The following REEP1 variants were observed in gnomAD, a reference collection of about 807,000 sequenced individuals.
REEP1 encodes receptor accessory protein 1.
In REEP1, 22 loss-of-function variants were observed where a neutral mutation model predicts 40.3. The ratio of observed to expected loss-of-function variants is 0.55; its 90% confidence interval spans 0.39 to 0.78. REEP1 has a LOEUF of 0.78. Ranked by LOEUF, REEP1 falls within the 30% of genes least tolerant of loss-of-function variation. REEP1 has a pLI of 0.00. For missense variants in REEP1, 280 were observed against 361.1 expected (o/e 0.78, Z 1.82); for synonymous variants, 116 against 139.2 (o/e 0.83, Z 1.17).
chr2:86,321,454 C>A (rs1266126453), intron 1 of REEP1, among the ~76,000 whole-genome samples: 3 of 152,006 alleles, frequency 2.0e-5, no homozygotes, highest in Non-Finnish European at 2.9e-5. Flanking sequence ...GATGAGACAC[C>A]CCCAGCTTAG....
intron 2 of REEP1, among the ~76,000 whole-genome samples, chr2:86,272,311 C>T (rs183947510): frequency 4.6e-5 from 7 of 152,232 alleles, no homozygotes; most frequent in Admixed American, 4.6e-4. Flanking sequence ...GATCTACTTT[C>T]TCATTCCTCA....
intron 5 of REEP1, 57 bp from the exon 6 acceptor site, chr2:86,232,859 G>A (rs914508817): frequency 9.7e-6 from 15 of 1,540,196 alleles, no homozygotes; most frequent in Non-Finnish European, 1.3e-5. Flanking sequence ...GGTCACACTC[G>A]ACAAAGGCCA....
chr2:86,267,066 T>TGAGA (rs57005944), intron 2 of REEP1, among the ~76,000 whole-genome samples: 10,135 of 151,524 alleles, frequency 0.067, 516 homozygotes, highest in African/African-American at 0.13. Context: ...GAGGCCAAGA[T>TGAGA]GAGAGAATTG....
chr2:86,271,118 G>A (rs1677423134), intron 2 of REEP1, among the ~76,000 whole-genome samples: 1 of 152,022 alleles, frequency 6.6e-6, no homozygotes, highest in Non-Finnish European at 1.5e-5. Context: ...CTTGAACCCG[G>A]GAGGCAAAGG....
intron 3 of REEP1, among the ~76,000 whole-genome samples, chr2:86,256,315 T>C (rs1397922478): frequency 2.1e-5 from 3 of 144,858 alleles, no homozygotes; most frequent in East Asian, 2.0e-4. Flanking sequence ...GCCACTGCAC[T>C]CTAGCCTGGG....
chr2:86,225,987 TCA>T (rs1674660035), intron 7 of REEP1, among the ~76,000 whole-genome samples: 1 of 151,942 alleles, frequency 6.6e-6, no homozygotes, highest in South Asian at 2.1e-4. Flanking sequence ...AAGCCATCAC[TCA>T]CACGCTGGGA....
intron 8 of REEP1, among the ~76,000 whole-genome samples, chr2:86,219,549 G>A (rs1267866145): frequency 1.3e-5 from 2 of 150,934 alleles, no homozygotes; most frequent in African/African-American, 4.9e-5. Flanking sequence ...GGGTTCAAGC[G>A]AGTCTCCTGC....
intron 7 of REEP1, among the ~76,000 whole-genome samples, chr2:86,226,290 C>A (rs1007926413): frequency 2.0e-5 from 3 of 152,044 alleles, no homozygotes; most frequent in Non-Finnish European, 2.9e-5. Flanking sequence ...AGGTGATTCA[C>A]GCAAAGTTGC....
chr2:86,214,486 T>C lies in REEP1; in HGVS notation c.*2553A>G, dbSNP rs900198505. Reference sequence around the variant, plus strand: ...TGGCAATTAACTAAAAGTTATGACATGAACATTACAGACTTTCCAGCTAGC... The same window carrying C: ...TGGCAATTAACTAAAAGTTATGACACGAACATTACAGACTTTCCAGCTAGC... On this transcript the variant is annotated 3_prime_UTR_variant, in exon 9 of 9. Transcript: ENST00000538924. The C allele has an allele frequency of 6.5e-6, 1 of 152,688 alleles. No individual in the cohort carries two copies. The highest frequency in any genetic ancestry group is 1.5e-5 in the Non-Finnish European group (1 of 68,058). 9.5% of individuals were successfully genotyped at this position (152,688 alleles called of 1,614,324 possible).
At chr2:86,277,543 G>C (rs975878164) in intron 2 of REEP1, among the ~76,000 whole-genome samples, 4 of 145,658 alleles carry the variant, frequency 2.7e-5, no homozygotes, top group African/African-American at 1.0e-4. Context: ...GTGATAGAGC[G>C]AGACTCTGTA....
intron 8 of REEP1, among the ~76,000 whole-genome samples, chr2:86,217,566 G>A (rs540330155): frequency 1.3e-5 from 2 of 151,652 alleles, no homozygotes; most frequent in East Asian, 3.9e-4. Flanking sequence ...ACCTCTTAAT[G>A]TACAGCACAC....
intron 2 of REEP1, among the ~76,000 whole-genome samples, chr2:86,272,481 C>T (rs1677512651): frequency 6.6e-6 from 1 of 152,192 alleles, no homozygotes; most frequent in Non-Finnish European, 1.5e-5. Context: ...GAAAAGCTCT[C>T]CCAACACTAC....
chr2:86,267,871 C>A (rs1677229091), intron 2 of REEP1, among the ~76,000 whole-genome samples: 1 of 151,058 alleles, frequency 6.6e-6, no homozygotes, highest in South Asian at 2.1e-4. Flanking sequence ...GTACATAACC[C>A]AGTTAAAAAC....
intron 1 of REEP1, chr2:86,297,828 C>G (rs1679056704): frequency 2.1e-6 from 1 of 473,934 alleles, no homozygotes; most frequent in South Asian, 9.0e-5. Context: ...TAAGGTCCAG[C>G]CTGGGTCCCT....
chr2:86,310,206 T>C (rs565485047), intron 1 of REEP1, among the ~76,000 whole-genome samples: 1 of 152,342 alleles, frequency 6.6e-6, no homozygotes, highest in African/African-American at 2.4e-5. Context: ...AATGGCTCTG[T>C]TGTCCTTTTA....
In REEP1 at chr2:86,215,023, C is replaced by CTTTTTTT. The variant is rs11350708; in HGVS notation, c.*2009_*2015dup. ...AAAAATTGCTAAGAAGCTGTGTAAGCTTTTTTTTTTTTTTTTTTTTTTTGC... is the reference window on the plus strand; with the variant it reads ...AAAAATTGCTAAGAAGCTGTGTAAGCTTTTTTTTTTTTTTTTTTTTTTTTTTTTTTGC... On this transcript the variant is annotated 3_prime_UTR_variant, in exon 9 of 9. Transcript: ENST00000538924. 4.9e-4 allele frequency: 29 copies of CTTTTTTT among 59,562 alleles called. No homozygotes were observed. Among genetic ancestry groups the CTTTTTTT allele is most frequent in the African/African-American group, 1.1e-3 (16 of 15,124 alleles). 3.7% of individuals were successfully genotyped at this position (59,562 alleles called of 1,614,324 possible). A position where few individuals can be genotyped will look rare whatever the true frequency, so the allele number is the denominator to read the frequency against.
At chr2:86,298,604 G>C (rs1439230014) in intron 1 of REEP1, among the ~76,000 whole-genome samples, 1 of 152,170 alleles carries the variant, frequency 6.6e-6, no homozygotes, top group Admixed American at 6.5e-5. Flanking sequence ...GCCTCTGCTG[G>C]GCTGTTTCTA....
At chr2:86,262,750 C>T (rs1676932001) in intron 3 of REEP1, among the ~76,000 whole-genome samples, 3 of 152,232 alleles carry the variant, frequency 2.0e-5, no homozygotes, top group Admixed American at 2.0e-4. Flanking sequence ...ACAGCAAATG[C>T]AAAACCAACC....
chr2:86,214,283 A>C lies in REEP1; in HGVS notation c.*2756T>G, dbSNP rs2103925647. 1 of 152,806 alleles carries C rather than the reference A, an allele frequency of 6.5e-6. No individual in the cohort carries two copies. The highest frequency in any genetic ancestry group is 2.1e-4 in the South Asian group (1 of 4,820). The allele number at this position is 152,806 out of a possible 1,614,324, so 9.5% of individuals were successfully genotyped here. A position where few individuals can be genotyped will look rare whatever the true frequency, so the allele number is the denominator to read the frequency against. On this transcript the variant is annotated 3_prime_UTR_variant, in exon 9 of 9. Transcript: ENST00000538924. ...GGTGGAGGACTAGGAAGGCTCAAAG[A>C]TGGTCATGGTTGACAAGCACTCTTA... is the stretch of plus-strand genomic sequence containing the variant.
Sources: gnomAD v4.1 joint callset for allele counts (sites outside exome capture counted in the v4.1 genomes callset) on GRCh38, gnomAD v4.1.1 for gene constraint, MANE v1.5 for transcripts, NCBI Gene and HGNC (gene_info 2026-07-23, HGNC 2026-07-21) for gene names.